Variants in UGT1A8 observed in about 807,000 individuals in gnomAD.
UGT1A8 encodes the protein UDP-glucuronosyltransferase 1A8.
Under a neutral mutation model 45.3 loss-of-function variants are expected in UGT1A8, and 39 were observed. The ratio of observed to expected loss-of-function variants is 0.86; its 90% CI spans 0.67 to 1.12. UGT1A8 has a LOEUF of 1.12. UGT1A8 is among the 50% of genes most tolerant of loss of function. The pLI is 0.00. For missense variants in UGT1A8, 719 were observed against 664.9 expected, an observed-to-expected ratio of 1.08 and a Z score of -0.90; for synonymous variants, 275 against 249.2, an observed-to-expected ratio of 1.10 and a Z score of -0.97.
At chr2:233,688,952 G>A (rs2074921038) in intron 1 of UGT1A8, among the ~76,000 whole-genome samples, 1 of 152,180 alleles carries the variant, frequency 6.6e-6, no homozygotes, top group Non-Finnish European at 1.5e-5. Flanking sequence ...GAAGCCAAAT[G>A]TTTGGAATCA....
At chr2:233,695,566 C>T (rs956189673) in intron 1 of UGT1A8, among the ~76,000 whole-genome samples, 1 of 150,778 alleles carries the variant, frequency 6.6e-6, no homozygotes, top group South Asian at 2.1e-4. Context: ...CCATTTTCAC[C>T]CCCCCTTCCC....
chr2:233,620,764 C>T (rs950990898), intron 1 of UGT1A8, among the ~76,000 whole-genome samples: 1 of 152,124 alleles, frequency 6.6e-6, no homozygotes, highest in Admixed American at 6.6e-5. Flanking sequence ...GGATATGGCC[C>T]AACCACAAAA....
intron 1 of UGT1A8, among the ~76,000 whole-genome samples, chr2:233,631,928 G>GT (rs1308426691): frequency 2.0e-5 from 3 of 152,120 alleles, no homozygotes; most frequent in Non-Finnish European, 4.4e-5. Flanking sequence ...TTCCTGAATG[G>GT]TATTGCCTAG....
intron 1 of UGT1A8, chr2:233,753,778 CT>C (rs1025040138): frequency 6.6e-6 from 1 of 152,232 alleles, no homozygotes; most frequent in African/African-American, 2.4e-5. Flanking sequence ...AAACGCTTTT[CT>C]TTACATTTCC....
intron 1 of UGT1A8, among the ~76,000 whole-genome samples, chr2:233,662,788 A>C (rs1429891379): frequency 6.9e-6 from 1 of 144,816 alleles, no homozygotes; most frequent in Non-Finnish European, 1.5e-5. Context: ...AGCTTTGGAA[A>C]CTTCTCTTCT....
In UGT1A8 at chr2:233,768,259, C is replaced by T. The variant is rs72551353; in HGVS notation, c.1115C>T (p.Ser372Phe). ...MTRAFITHAGSHGVYESICNG... is the reference protein window; with the variant it reads ...MTRAFITHAGFHGVYESICNG... ...CGTGCCTTTATCACCCATGCTGGTT[C>T]CCATGGTGTTTATGAAAGCATATGC... Residue 372 changes from serine (S) to phenylalanine (F), a missense_variant, in exon 4 of 5, where the codon TCC becomes TTC. Ser to Phe is a radical substitution (Grantham distance 155). Coordinates refer to ENST00000373450, the MANE Select transcript of UGT1A8 (RefSeq NM_019076.5). The T allele has an allele frequency of 1.8e-5, 29 of 1,614,010 alleles. No homozygotes were observed. The highest frequency in any genetic ancestry group is 2.4e-5 in the Non-Finnish European group (28 of 1,180,040).
At chr2:233,749,911 T>C (rs1694301835) in intron 1 of UGT1A8, among the ~76,000 whole-genome samples, 2 of 151,950 alleles carry the variant, frequency 1.3e-5, no homozygotes, top group Non-Finnish European at 2.9e-5. Flanking sequence ...CACCTGGAAC[T>C]GTGAGTCAAT....
chr2:233,762,134 T>C (rs1697981435), intron 1 of UGT1A8, among the ~76,000 whole-genome samples: 1 of 152,212 alleles, frequency 6.6e-6, no homozygotes, highest in African/African-American at 2.4e-5. Flanking sequence ...TGTGGGGACC[T>C]GTGTGACTTT....
rs751991471 is a variant in UGT1A8, at chr2:233,637,244, C to A, written c.855+18682C>A. On this transcript the variant is annotated intron_variant, in intron 1 of 4. Coordinates refer to ENST00000373450, the MANE Select transcript of UGT1A8 (RefSeq NM_019076.5). ...GAAATTCTCCAAACCCCTGTCACGG[C>A]ATATGATCTCTACAGTCACACATCA... is the stretch of plus-strand genomic sequence containing the variant. The A allele has an allele frequency of 2.5e-6, 4 of 1,613,972 alleles. No homozygotes were observed. In the Admixed American group the frequency reaches 6.7e-5, roughly 27 times the overall value.
intron 1 of UGT1A8, among the ~76,000 whole-genome samples, chr2:233,656,300 C>T (rs536583369): frequency 5.7e-4 from 86 of 152,194 alleles, no homozygotes; most frequent in Non-Finnish European, 9.3e-4. Context: ...TCACAGTCTC[C>T]GTAAACTGGC....
chr2:233,651,479 A>T (rs1289119405), intron 1 of UGT1A8, among the ~76,000 whole-genome samples: 1 of 152,224 alleles, frequency 6.6e-6, no homozygotes, highest in Non-Finnish European at 1.5e-5. Flanking sequence ...AAGAGGTTTT[A>T]TAGAAGTGGA....
At chr2:233,685,588 G>A (rs17864689) in intron 1 of UGT1A8, among the ~76,000 whole-genome samples, 1 of 152,124 alleles carries the variant, frequency 6.6e-6, no homozygotes, top group Admixed American at 6.5e-5. Context: ...CAAGCCCAAG[G>A]CCTCCCTCCA....
rs890288877 is a variant in UGT1A8, at chr2:233,747,512, C to T, written c.856-19522C>T. ...TTGTGCTGGGCCACACTCAACTGTA[C>T]TTTGAAACAGAACATTTTCTGAAGA... On this transcript the variant is annotated intron_variant, in intron 1 of 4. Transcript: ENST00000373450. The T allele has an allele frequency of 5.6e-6, 9 of 1,607,598 alleles. No homozygotes were observed. In the South Asian group the frequency reaches 8.8e-5, roughly 16 times the overall value.
chr2:233,732,507 C>A (rs2125772065), intron 1 of UGT1A8, among the ~76,000 whole-genome samples: 1 of 152,338 alleles, frequency 6.6e-6, no homozygotes, highest in Admixed American at 6.5e-5. Context: ...GGAAGGGATC[C>A]TGTTCCAGCT....
At chr2:233,629,945 T>G (rs915225198) in intron 1 of UGT1A8, among the ~76,000 whole-genome samples, 1 of 152,158 alleles carries the variant, frequency 6.6e-6, no homozygotes, top group Admixed American at 6.5e-5. Context: ...CTTAACATTT[T>G]AACATCTGTA....
intron 1 of UGT1A8, among the ~76,000 whole-genome samples, chr2:233,727,988 A>C (rs1274314392): frequency 6.6e-6 from 1 of 152,262 alleles, no homozygotes; most frequent in Non-Finnish European, 1.5e-5. Context: ...AGGTGGCATC[A>C]GCAATCTTGT....
Position 233,755,239 on chromosome 2 carries a change from G to A in UGT1A8, c.856-11795G>A, listed in dbSNP as rs1377553031. On this transcript the variant is annotated intron_variant, in intron 1 of 4. Transcript: ENST00000373450. Reference sequence around the variant, plus strand: ...ATACCCTCGGACGAGGCCTACCGGGGTACTCCCAGCACCTCGTAGTAGTCC... The same window carrying A: ...ATACCCTCGGACGAGGCCTACCGGGATACTCCCAGCACCTCGTAGTAGTCC... 1.2e-5 allele frequency: 11 copies of A among 885,954 alleles called. No individual in the cohort carries two copies. In the South Asian group the frequency reaches 1.4e-4, roughly 11 times the overall value. The allele number at this position is 885,954 out of a possible 1,614,324, so 54.9% of individuals were successfully genotyped here.
At chr2:233,663,342 G>T (rs1451276012) in intron 1 of UGT1A8, among the ~76,000 whole-genome samples, 1 of 152,176 alleles carries the variant, frequency 6.6e-6, no homozygotes, top group African/African-American at 2.4e-5. Flanking sequence ...AGGAATACTT[G>T]GTGGGTTGGG....
intron 1 of UGT1A8, chr2:233,718,915 T>C (rs979373640): frequency 6.2e-7 from 1 of 1,613,984 alleles, no homozygotes; most frequent in African/African-American, 1.3e-5. Context: ...GGAAAGGTGT[T>C]GGTGGTGCCC....
Sources: gnomAD v4.1 joint callset for allele counts (sites outside exome capture counted in the v4.1 genomes callset) on GRCh38, gnomAD v4.1.1 for gene constraint, MANE v1.5 for transcripts, NCBI Gene and HGNC (gene_info 2026-07-23, HGNC 2026-07-21) for gene names.